Variants in ASTN2 observed in about 807,000 individuals in gnomAD.
ASTN2 encodes the protein astrotactin-2.
Under a neutral mutation model 139.8 loss-of-function variants are expected in ASTN2, and 54 were observed. The ratio of observed to expected loss-of-function variants is 0.39; its 90% CI spans 0.31 to 0.48. ASTN2 has a LOEUF of 0.48. ASTN2 is among the 20% of genes least tolerant of loss of function. The pLI, the probability that ASTN2 is intolerant of heterozygous loss-of-function variation, is 0.95. For missense variants in ASTN2, 1,565 were observed against 1,725.1 expected, an observed-to-expected ratio of 0.91 and a Z score of 1.64; for synonymous variants, 756 against 719.5, an observed-to-expected ratio of 1.05 and a Z score of -0.81.
At chr9:117,088,132 T>C (rs1308226285) in intron 5 of ASTN2, among the ~76,000 whole-genome samples, 1 of 152,186 alleles carries the variant, frequency 6.6e-6, no homozygotes, top group Non-Finnish European at 1.5e-5. Flanking sequence ...AAACGGAACC[T>C]TGTTGCTTGA....
intron 19 of ASTN2, among the ~76,000 whole-genome samples, chr9:116,569,634 T>A: frequency 6.6e-6 from 1 of 152,134 alleles, no homozygotes; most frequent in Non-Finnish European, 1.5e-5. Context: ...GTTCATGTGT[T>A]TTGCTGCCTT....
At chr9:117,226,090 G>A (rs1260576489) in intron 2 of ASTN2, among the ~76,000 whole-genome samples, 3 of 152,174 alleles carry the variant, frequency 2.0e-5, no homozygotes, top group African/African-American at 4.8e-5. Flanking sequence ...AGTGTAAAAC[G>A]TAGAGAAAGT....
At chr9:117,040,525 C>A (rs767561289) in intron 5 of ASTN2, among the ~76,000 whole-genome samples, 53 of 152,198 alleles carry the variant, frequency 3.5e-4, no homozygotes, top group South Asian at 1.2e-3. Flanking sequence ...GTGGCACAAT[C>A]TCGGCTCACT....
chr9:117,024,666 A>G (rs1376139105), intron 6 of ASTN2, among the ~76,000 whole-genome samples: 10 of 152,138 alleles, frequency 6.6e-5, no homozygotes, highest in African/African-American at 2.4e-4. Flanking sequence ...CCTCCTCTGC[A>G]AAGTCAGAGA....
intron 6 of ASTN2, among the ~76,000 whole-genome samples, chr9:117,018,470 A>G (rs777063936): frequency 6.6e-6 from 1 of 152,148 alleles, no homozygotes; most frequent in East Asian, 1.9e-4. Flanking sequence ...TTCGATGCCA[A>G]CTGACCAAAT....
chr9:117,071,454 C>T (rs1278195860), intron 5 of ASTN2, among the ~76,000 whole-genome samples: 1 of 150,906 alleles, frequency 6.6e-6, no homozygotes, highest in Non-Finnish European at 1.5e-5. Context: ...GAGGTTACTG[C>T]TGTCTTTTTG....
At chr9:116,806,473 A>T (rs985073177) in intron 12 of ASTN2, among the ~76,000 whole-genome samples, 2 of 152,110 alleles carry the variant, frequency 1.3e-5, no homozygotes, top group East Asian at 1.9e-4. Context: ...GCTGGAGGGG[A>T]TGGGGATGGT....
chr9:116,863,969 C>G (rs1253908192), intron 10 of ASTN2, among the ~76,000 whole-genome samples: 1 of 152,072 alleles, frequency 6.6e-6, no homozygotes, highest in Non-Finnish European at 1.5e-5. Context: ...TTTATTAATA[C>G]TTATGATTCT....
intron 5 of ASTN2, 98 bp from the exon 6 acceptor site, chr9:117,040,063 T>A: frequency 2.2e-6 from 3 of 1,346,278 alleles, no homozygotes; most frequent in Non-Finnish European, 3.0e-6. Context: ...CAGTTGGGAA[T>A]CTGAAAAAAG....
intron 5 of ASTN2, among the ~76,000 whole-genome samples, chr9:117,062,221 A>C (rs1278544781): frequency 6.6e-6 from 1 of 152,174 alleles, no homozygotes; most frequent in East Asian, 1.9e-4. Context: ...TGGATTTATC[A>C]AGGTCAGCCA....
chr9:116,951,566 C>T (rs1366803979), intron 10 of ASTN2, among the ~76,000 whole-genome samples: 3 of 151,972 alleles, frequency 2.0e-5, no homozygotes, highest in Non-Finnish European at 4.4e-5. Flanking sequence ...AACTGAAGTG[C>T]ATGAGATCAG....
chr9:117,287,052 T>A (rs1034856376), intron 2 of ASTN2, among the ~76,000 whole-genome samples: 1 of 152,144 alleles, frequency 6.6e-6, no homozygotes, highest in Non-Finnish European at 1.5e-5. Context: ...GGCAACAACA[T>A]TACTTATCAT....
At chr9:116,774,183 G>A (rs1830022412) in intron 13 of ASTN2, among the ~76,000 whole-genome samples, 1 of 152,098 alleles carries the variant, frequency 6.6e-6, no homozygotes, top group African/African-American at 2.4e-5. Context: ...AAAGACCACT[G>A]CCCCTCCAAG....
chr9:116,668,543 G>T (rs1430842747), intron 16 of ASTN2, among the ~76,000 whole-genome samples: 1 of 152,158 alleles, frequency 6.6e-6, no homozygotes, highest in Non-Finnish European at 1.5e-5. Flanking sequence ...GTATTTTCAT[G>T]GTTTAGAAGC....
At position 116,902,123 on chromosome 9, in the gene ASTN2, G is replaced by A. The variant is rs879583034; in HGVS notation, c.1890-38390C>T. On this transcript the variant is annotated intron_variant, in intron 10 of 22. Transcript: ENST00000313400. The stretch of plus-strand genomic sequence containing the variant: ...AAGCCTCAGGCATGTCCTTCAGGAG[G>A]TATTTCAGAAGAAGGCACTGTTACC... Among the ~76,000 whole-genome samples, 3 of 152,118 alleles carry A rather than the reference G, an allele frequency of 2.0e-5. No homozygotes were observed. The South Asian group carries it at 6.2e-4, about 32-fold the overall frequency.
intron 16 of ASTN2, among the ~76,000 whole-genome samples, chr9:116,693,341 C>G (rs1355610745): frequency 6.6e-6 from 1 of 152,156 alleles, no homozygotes; most frequent in Non-Finnish European, 1.5e-5. Flanking sequence ...CTTTAAGGTT[C>G]ATTCTTTTGT....
intron 6 of ASTN2, among the ~76,000 whole-genome samples, chr9:117,010,362 T>A (rs1837484271): frequency 6.6e-6 from 1 of 152,206 alleles, no homozygotes. Context: ...ACAGTCATGC[T>A]GTTTAAATGG....
At chr9:116,746,989 T>C (rs1308571676) in intron 13 of ASTN2, among the ~76,000 whole-genome samples, 1 of 152,220 alleles carries the variant, frequency 6.6e-6, no homozygotes, top group African/African-American at 2.4e-5. Context: ...TCCATTCAGC[T>C]GTGGTACCGC....
chr9:117,120,014 G>GTATATATATATATATATA (rs1470198393), intron 4 of ASTN2, among the ~76,000 whole-genome samples: 2 of 35,324 alleles, frequency 5.7e-5, no homozygotes, highest in African/African-American at 1.5e-4. Context: ...GTGTGTGTGT[G>GTATATATATATATATATA]TGTGTATATA....
Sources: allele counts gnomAD v4.1 joint callset (sites outside exome capture counted in the v4.1 genomes callset), GRCh38; gene constraint gnomAD v4.1.1; transcripts MANE v1.5; gene names NCBI Gene and HGNC (gene_info 2026-07-23, HGNC 2026-07-21).